DMD: variants seen among roughly 807,000 people sequenced by gnomAD.
The protein encoded by DMD is mutant dystrophin.
Under a neutral mutation model 330.1 loss-of-function variants are expected in DMD, and 63 were observed. The ratio of observed to expected loss-of-function variants is 0.19; its 90% CI spans 0.16 to 0.24. The LOEUF is 0.24. Among genes scored for constraint, DMD ranks in the 10% least tolerant of loss-of-function variants. The pLI is 1.00. For missense variants in DMD, 3,344 were observed against 2,684.1 expected (o/e 1.25, Z -5.43); for synonymous variants, 1,223 against 959.8 (o/e 1.27, Z -5.07).
intron 63 of DMD, among the ~76,000 whole-genome samples, chrX:31,235,668 A>G (rs1428505038): frequency 8.9e-6 from 1 of 111,996 alleles, no homozygotes; most frequent in African/African-American, 3.2e-5. Flanking sequence ...TTTACATCTA[A>G]TTTTTCTTCA....
chrX:32,874,049 G>A (rs1027427870), intron 2 of DMD, among the ~76,000 whole-genome samples: 2 of 111,846 alleles, frequency 1.8e-5, no homozygotes, highest in African/African-American at 6.5e-5. Context: ...ACCTCAACTG[G>A]TGCTCCTAGA....
intron 63 of DMD, among the ~76,000 whole-genome samples, chrX:31,232,253 G>A (rs1373707249): frequency 9.0e-6 from 1 of 110,919 alleles, no homozygotes; most frequent in African/African-American, 3.3e-5. Flanking sequence ...CCTGCACATC[G>A]TGTGAAGGAT....
rs1866742923 is a variant in DMD, at chrX:31,121,820, A to C, written c.*99T>G. ...TTATAAAAACCATGCGGGAATCAGG[A>C]GTTGTAAAACATTTATTCTGCTCCT... On this transcript the variant is annotated 3_prime_UTR_variant, in exon 79 of 79. Coordinates refer to ENST00000357033, the MANE Select transcript of DMD (RefSeq NM_004006.3). 2 of 1,091,404 alleles carry C rather than the reference A, an allele frequency of 1.8e-6. No homozygotes were observed. Among genetic ancestry groups the C allele is most frequent in the African/African-American group, 1.8e-5 (1 of 55,069 alleles). 89.9% of individuals were successfully genotyped at this position (1,091,404 alleles called of 1,213,427 possible). A position where few individuals can be genotyped will look rare whatever the true frequency, so the allele number is the denominator to read the frequency against.
At chrX:32,085,606 G>GTA (rs1196016604) in intron 44 of DMD, among the ~76,000 whole-genome samples, 6 of 64,120 alleles carry the variant, frequency 9.4e-5, no homozygotes, top group Admixed American at 3.7e-4. Context: ...GTATATATGT[G>GTA]TATATATATA....
At chrX:32,315,133 C>T (rs971031773) in intron 41 of DMD, among the ~76,000 whole-genome samples, 3 of 111,752 alleles carry the variant, frequency 2.7e-5, no homozygotes, top group African/African-American at 9.8e-5. Flanking sequence ...GAATTGCAAC[C>T]AACCCAAATG....
intron 60 of DMD, among the ~76,000 whole-genome samples, chrX:31,405,367 G>A (rs1160634712): frequency 8.9e-6 from 1 of 111,935 alleles, no homozygotes; most frequent in Non-Finnish European, 1.9e-5. Flanking sequence ...AGTGCCTGAG[G>A]GCAATGGTTG....
At chrX:31,492,887 C>G (rs1210211233) in intron 57 of DMD, among the ~76,000 whole-genome samples, 1 of 93,604 alleles carries the variant, frequency 1.1e-5, no homozygotes, top group Non-Finnish European at 2.1e-5. Context: ...GGGTGGGGGG[C>G]TAGGGGAGGG....
rs140067267 is a variant in DMD at position 31,424,219 on chromosome X, G to A, written c.9084+20262C>T. On this transcript the variant is annotated intron_variant, in intron 60 of 78. Coordinates refer to ENST00000357033, the MANE Select transcript of DMD (RefSeq NM_004006.3). ...CATTACACTCACTGTATGTTGAAAT[G>A]TACTAAAATTATCAATATTCTGTTG... Among the ~76,000 whole-genome samples, 556 of 111,960 alleles carry A rather than the reference G, an allele frequency of 5.0e-3. 2 individuals carry two copies. The highest frequency in any genetic ancestry group is 0.017 in the African/African-American group (530 of 30,914).
Position 32,548,919 on chromosome X carries a change from G to C in DMD, c.1993-3585C>G, listed in dbSNP as rs549217362. Among the ~76,000 whole-genome samples, 14 of 111,485 alleles carry C rather than the reference G, an allele frequency of 1.3e-4. No individual in the cohort carries two copies. In the South Asian group the frequency reaches 5.2e-3, roughly 42 times the overall value. On this transcript the variant is annotated intron_variant, in intron 16 of 78. Coordinates refer to ENST00000357033, the MANE Select transcript of DMD (RefSeq NM_004006.3). ...ATATGGCAGAGTCAAAACTAGAATA[G>C]AATATAGTTTGACCTATATTCAACA...
In DMD at chrX:32,463,478, G is replaced by A. The variant is rs2098390658; in HGVS notation, c.3393C>T (p.Leu1131=). ...PEFASRLETE[L]KELNTQWDHM... is the part of the protein sequence containing the mutation. ...GATCCCACTGAGTGTTAAGTTCTTT[G>A]AGTTCTGTCTCAAGTCTCGAAGCAA... The change falls in exon 25 of 79, where the codon CTC becomes CTT. Residue 1131 remains leucine, a synonymous_variant. Transcript: ENST00000357033. 3.3e-6 allele frequency: 4 copies of A among 1,206,315 alleles called. No individual in the cohort carries two copies. Among genetic ancestry groups the A allele is most frequent in the Non-Finnish European group, 4.5e-6 (4 of 893,389 alleles).
intron 52 of DMD, among the ~76,000 whole-genome samples, chrX:31,721,700 CTCTCTCTCTCTCTCTCTCTATA>C (rs1321316561): frequency 1.5e-3 from 100 of 64,693 alleles, no homozygotes; most frequent in Non-Finnish European, 2.0e-3. Context: ...CTCTCTCTCT[CTCTCTCTCTCTCTCTCTCTATA>C]TATATATATA....
chrX:32,762,546 G>A lies in DMD; in HGVS notation c.649+46947C>T, dbSNP rs190286399. ...TGTGAATAGGATACAGGAATGGCTG[G>A]GAGGGCTCATCAGGAGAGCTCTTTT... On this transcript the variant is annotated intron_variant, in intron 7 of 78. Coordinates refer to ENST00000357033, the MANE Select transcript of DMD (RefSeq NM_004006.3). Among the ~76,000 whole-genome samples, 428 of 111,554 alleles carry A rather than the reference G, an allele frequency of 3.8e-3. 3 individuals carry two copies. The highest frequency in any genetic ancestry group is 6.9e-3 in the Non-Finnish European group (368 of 53,074).
rs754911406 is a variant in DMD at position 32,375,767 on chromosome X, T to G, written c.4845+4743A>C. 5.6e-4 allele frequency among the ~76,000 whole-genome samples: 63 copies of G among 111,603 alleles called. 2 individuals are homozygous for G. The highest frequency in any genetic ancestry group is 1.3e-4 in the Non-Finnish European group (7 of 53,160). Reference sequence around the variant, plus strand: ...CTAAATAATGTATATTTCTACATATTTTATCCTTTGTGTAAATGGTAACAC... The same window carrying G: ...CTAAATAATGTATATTTCTACATATGTTATCCTTTGTGTAAATGGTAACAC... On this transcript the variant is annotated intron_variant, in intron 34 of 78. Coordinates refer to ENST00000357033, the MANE Select transcript of DMD (RefSeq NM_004006.3).
chrX:32,639,357 C>T (rs1490258093), intron 11 of DMD, among the ~76,000 whole-genome samples: 1 of 111,051 alleles, frequency 9.0e-6, no homozygotes, highest in African/African-American at 3.3e-5. Flanking sequence ...TCCTACCATC[C>T]CAAGTGTATT....
intron 44 of DMD, chrX:32,206,337 G>A (rs764963428): frequency 1.9e-6 from 1 of 532,826 alleles, no homozygotes; most frequent in Non-Finnish European, 3.3e-6. Context: ...TGGTAGCAAG[G>A]TTCCACAGAA....
At chrX:32,557,026 T>C (rs1327275601) in intron 16 of DMD, among the ~76,000 whole-genome samples, 2 of 112,048 alleles carry the variant, frequency 1.8e-5, no homozygotes, top group East Asian at 5.6e-4. Context: ...GATTATCTTA[T>C]TCAAAAGATC....
chrX:31,502,778 C>T (rs920061154), intron 56 of DMD, among the ~76,000 whole-genome samples: 2 of 111,213 alleles, frequency 1.8e-5, no homozygotes, highest in Admixed American at 1.9e-4. Flanking sequence ...TTATGTAAAA[C>T]AATTGACTTG....
chrX:31,222,230 A>C (rs2046146014), intron 64 of DMD, among the ~76,000 whole-genome samples: 2 of 104,790 alleles, frequency 1.9e-5, no homozygotes, highest in Admixed American at 1.0e-4. Context: ...AACAAACAAA[A>C]AACAAAAATT....
intron 63 of DMD, among the ~76,000 whole-genome samples, chrX:31,232,699 C>G (rs927416232): frequency 1.8e-5 from 2 of 111,974 alleles, no homozygotes; most frequent in Non-Finnish European, 3.8e-5. Context: ...CCTAGCATCT[C>G]AGCCACCTGC....
Sources: allele counts gnomAD v4.1 joint callset (sites outside exome capture counted in the v4.1 genomes callset), GRCh38; gene constraint gnomAD v4.1.1; transcripts MANE v1.5; gene names NCBI Gene and HGNC (gene_info 2026-07-23, HGNC 2026-07-21).